PCDH7: variants seen among roughly 807,000 people sequenced by gnomAD.
PCDH7 encodes the protein protocadherin 7.
A neutral mutation model predicts 58.9 loss-of-function variants in PCDH7; 17 were observed. The ratio of observed to expected loss-of-function variants is 0.29; its 90% CI spans 0.20 to 0.43. The LOEUF is 0.43. Ranked by LOEUF, PCDH7 falls within the 20% of genes least tolerant of loss-of-function variation. PCDH7 has a pLI of 1.00. For missense variants in PCDH7, 1,274 were observed against 1,441.0 expected (o/e 0.88, Z 1.88); for synonymous variants, 664 against 616.4 (o/e 1.08, Z -1.14).
At chr4:30,815,062 G>C (rs888843791) in intron 1 of PCDH7, among the ~76,000 whole-genome samples, 2 of 151,898 alleles carry the variant, frequency 1.3e-5, no homozygotes, top group Admixed American at 1.3e-4. Flanking sequence ...CAGCTCAATT[G>C]TAAGTTATAC....
chr4:30,750,010 A>T (rs1188698730), intron 1 of PCDH7, among the ~76,000 whole-genome samples: 1 of 152,194 alleles, frequency 6.6e-6, no homozygotes, highest in Non-Finnish European at 1.5e-5. Flanking sequence ...AAGTTTCTAT[A>T]CAAAAGGTAT....
chr4:30,729,536 A>G (rs535470433), intron 1 of PCDH7, among the ~76,000 whole-genome samples: 2 of 152,148 alleles, frequency 1.3e-5, no homozygotes, highest in Admixed American at 1.3e-4. Flanking sequence ...AGAATTTTTA[A>G]TATTAGCAGA....
At chr4:31,022,635 G>A (rs997846762) in intron 3 of PCDH7, among the ~76,000 whole-genome samples, 14 of 152,114 alleles carry the variant, frequency 9.2e-5, no homozygotes, top group Non-Finnish European at 1.5e-4. Context: ...CATCAGGAGA[G>A]GTGAGGAGAA....
intron 1 of PCDH7, among the ~76,000 whole-genome samples, chr4:30,792,890 G>A (rs1055223831): frequency 6.6e-6 from 1 of 152,124 alleles, no homozygotes; most frequent in African/African-American, 2.4e-5. Flanking sequence ...TACATTTCGA[G>A]TGGGTACAGT....
At chr4:30,822,619 T>G (rs1358058938) in intron 1 of PCDH7, among the ~76,000 whole-genome samples, 1 of 152,124 alleles carries the variant, frequency 6.6e-6, no homozygotes, top group Non-Finnish European at 1.5e-5. Context: ...TATTAAAAAT[T>G]TATATTTTTT....
chr4:30,960,080 A>G (rs1378267224), intron 3 of PCDH7, among the ~76,000 whole-genome samples: 3 of 127,418 alleles, frequency 2.4e-5, no homozygotes, highest in African/African-American at 9.2e-5. Flanking sequence ...AAAGGAGGGG[A>G]GGAAGGAAGG....
At chr4:31,060,263 T>C (rs937874826) in intron 3 of PCDH7, among the ~76,000 whole-genome samples, 4 of 151,778 alleles carry the variant, frequency 2.6e-5, no homozygotes, top group African/African-American at 7.2e-5. Context: ...AATAAATTAC[T>C]TCCCTTAGCA....
At chr4:30,964,189 A>T (rs1397695400) in intron 3 of PCDH7, among the ~76,000 whole-genome samples, 4 of 151,862 alleles carry the variant, frequency 2.6e-5, no homozygotes, top group African/African-American at 9.7e-5. Flanking sequence ...AGGGGAAGTG[A>T]TAGGGTATAT....
intron 1 of PCDH7, among the ~76,000 whole-genome samples, chr4:30,877,336 T>C (rs1441616133): frequency 1.3e-5 from 2 of 152,012 alleles, no homozygotes; most frequent in African/African-American, 2.4e-5. Flanking sequence ...AGGACAGAAA[T>C]GTGAAAAGTG....
chr4:30,910,965 A>G (rs1030451194), intron 1 of PCDH7, among the ~76,000 whole-genome samples: 2 of 152,172 alleles, frequency 1.3e-5, no homozygotes, highest in African/African-American at 4.8e-5. Context: ...ACACCATGGA[A>G]TACTATGCAG....
At chr4:31,059,125 A>G (rs1016793009) in intron 3 of PCDH7, among the ~76,000 whole-genome samples, 1 of 151,894 alleles carries the variant, frequency 6.6e-6, no homozygotes, top group Non-Finnish European at 1.5e-5. Context: ...TCATACCATT[A>G]TGTCTTAAGA....
intron 1 of PCDH7, among the ~76,000 whole-genome samples, chr4:30,912,756 T>A (rs1012181133): frequency 6.6e-6 from 1 of 152,088 alleles, no homozygotes; most frequent in East Asian, 1.9e-4. Flanking sequence ...GCCAATAAAA[T>A]CCCCATAAAG....
chr4:30,883,050 A>T (rs183301917), intron 1 of PCDH7, among the ~76,000 whole-genome samples: 2 of 152,318 alleles, frequency 1.3e-5, no homozygotes, highest in African/African-American at 4.8e-5. Context: ...TTTTGTTGGC[A>T]TTGGATTCTG....
chr4:30,940,439 A>C (rs553909071), intron 2 of PCDH7, among the ~76,000 whole-genome samples: 35 of 152,178 alleles, frequency 2.3e-4, no homozygotes, highest in African/African-American at 8.2e-4. Context: ...ATAGCCACTT[A>C]ATATTTTATA....
chr4:30,765,567 A>G (rs542493204), intron 1 of PCDH7, among the ~76,000 whole-genome samples: 1 of 152,268 alleles, frequency 6.6e-6, no homozygotes, highest in African/African-American at 2.4e-5. Flanking sequence ...ATTGGAGTAG[A>G]CAGATAATCT....
At chr4:31,068,357 C>T (rs1348311504) in intron 3 of PCDH7, among the ~76,000 whole-genome samples, 1 of 151,634 alleles carries the variant, frequency 6.6e-6, no homozygotes, top group African/African-American at 2.4e-5. Context: ...AAAAATCCAT[C>T]GCATTCAGCT....
exon 2 of PCDH7, chr4:30,731,732 G>A (rs1227166998): frequency 3.9e-5 from 6 of 152,054 alleles, no homozygotes; most frequent in Non-Finnish European, 1.5e-5. Context: ...ATTATTGAGA[G>A]AGCAAGTGAC....
At chr4:30,756,528 A>G (rs1719328549) in intron 1 of PCDH7, among the ~76,000 whole-genome samples, 1 of 152,196 alleles carries the variant, frequency 6.6e-6, no homozygotes, top group Non-Finnish European at 1.5e-5. Context: ...CTCAACCATT[A>G]CATTGTGCTG....
chr4:30,730,700 T>G, intron 1 of PCDH7: 1 of 1,427,874 alleles, frequency 7.0e-7, no homozygotes, highest in South Asian at 1.3e-5. Context: ...CTGGGGAAAA[T>G]TTCTTTATCG....
Sources: allele counts gnomAD v4.1 joint callset (sites outside exome capture counted in the v4.1 genomes callset), GRCh38; gene constraint gnomAD v4.1.1; transcripts MANE v1.5; gene names NCBI Gene and HGNC (gene_info 2026-07-23, HGNC 2026-07-21).